Variants in NF1 observed in about 807,000 individuals in gnomAD.
The protein encoded by NF1 is neurofibromin.
In NF1, 122 loss-of-function variants were observed where a neutral mutation model predicts 325.7. That is an observed-to-expected ratio of 0.37 (90% CI 0.32 to 0.44). The LOEUF is 0.44. Among genes scored for constraint, NF1 ranks in the 20% least tolerant of loss-of-function variants. NF1 has a pLI of 1.00. For missense variants in NF1, 2,140 were observed against 3,415.4 expected (o/e 0.63, Z 9.31); for synonymous variants, 1,091 against 1,186.0 (o/e 0.92, Z 1.65).
chr17:31,131,211 G>A (rs961237357), intron 1 of NF1, among the ~76,000 whole-genome samples: 1 of 152,204 alleles, frequency 6.6e-6, no homozygotes, highest in Non-Finnish European at 1.5e-5. Context: ...AAACCTCTGA[G>A]CTCTGCCCTG....
intron 52 of NF1, 60 bp from the exon 53 acceptor site, chr17:31,356,900 A>ATAGT (rs1414219919): frequency 3.7e-6 from 6 of 1,605,342 alleles, no homozygotes; most frequent in Non-Finnish European, 5.1e-6. Flanking sequence ...TAACATTGAA[A>ATAGT]TAGTTAGGTG....
intron 36 of NF1, chr17:31,318,810 T>TTTATAATA (rs1246922081): frequency 6.2e-7 from 1 of 1,614,002 alleles, no homozygotes; most frequent in East Asian, 2.2e-5. Context: ...CTTTATAATC[T>TTTATAATA]ACTTCAGGAG....
At chr17:31,322,781 A>G (rs148789364) in intron 36 of NF1, among the ~76,000 whole-genome samples, 1 of 152,294 alleles carries the variant, frequency 6.6e-6, no homozygotes, top group African/African-American at 2.4e-5. Context: ...CTTAGTATAC[A>G]ACACATCATT....
intron 1 of NF1, among the ~76,000 whole-genome samples, chr17:31,106,252 ATACT>A (rs760362497): frequency 2.0e-5 from 3 of 152,212 alleles, no homozygotes; most frequent in Non-Finnish European, 2.9e-5. Flanking sequence ...AATGGGCATG[ATACT>A]TACCCTTCTC....
intron 37 of NF1, among the ~76,000 whole-genome samples, chr17:31,326,942 T>C (rs2069359201): frequency 6.6e-6 from 1 of 152,144 alleles, no homozygotes; most frequent in South Asian, 2.1e-4. Context: ...TGTTTTGTTT[T>C]TTGATATGGA....
rs1208250208 is a variant in NF1, at chr17:31,304,778, T to C, written c.4836-21042T>C. On this transcript the variant is annotated intron_variant, in intron 36 of 57. Coordinates refer to ENST00000358273, the MANE Select transcript of NF1 (RefSeq NM_001042492.3). ...TCATCTGCTAAAAGTGTGCTTTTGC[T>C]TGGTTTCCAGGGTGTAAGTGAAATG... is the stretch of plus-strand genomic sequence containing the variant. The C allele has an allele frequency of 1.2e-6, 2 of 1,614,022 alleles. No individual in the cohort carries two copies. Among genetic ancestry groups the C allele is most frequent in the Non-Finnish European group, 1.7e-6 (2 of 1,180,018 alleles).
intron 1 of NF1, among the ~76,000 whole-genome samples, chr17:31,114,576 G>GC (rs1913737202): frequency 6.6e-6 from 1 of 151,208 alleles, no homozygotes; most frequent in Admixed American, 6.6e-5. Flanking sequence ...AAGACCATGG[G>GC]CCGGACATGG....
intron 51 of NF1, among the ~76,000 whole-genome samples, chr17:31,353,795 A>G (rs2070209933): frequency 6.6e-6 from 1 of 152,266 alleles, no homozygotes; most frequent in African/African-American, 2.4e-5. Flanking sequence ...AAACATATTT[A>G]AGTATCTTTA....
intron 5 of NF1, 78 bp downstream of exon 5, chr17:31,170,075 AT>A (rs1329746787): frequency 1.1e-6 from 1 of 922,620 alleles, no homozygotes; most frequent in Non-Finnish European, 1.7e-6. Context: ...AATTATATTA[AT>A]TGTGCTGAAC....
At chr17:31,215,345 A>G (rs2066802601) in intron 13 of NF1, among the ~76,000 whole-genome samples, 1 of 152,130 alleles carries the variant, frequency 6.6e-6, no homozygotes, top group Admixed American at 6.5e-5. Context: ...TGAGAACATC[A>G]CTCTGGTACA....
intron 13 of NF1, among the ~76,000 whole-genome samples, chr17:31,217,312 CTTCT>C (rs150447120): frequency 0.34 from 11,117 of 32,342 alleles, 1,306 homozygotes; most frequent in African/African-American, 0.47. Context: ...TTCATATATT[CTTCT>C]TTTTTTTTTT....
chr17:31,222,567 C>T (rs1462046703), intron 15 of NF1: 1 of 1,018,596 alleles, frequency 9.8e-7, no homozygotes, highest in East Asian at 6.5e-5. Context: ...GTGCTGTCCA[C>T]TAGTAATATA....
chr17:31,127,331 C>G (rs1358288896), intron 1 of NF1, among the ~76,000 whole-genome samples: 1 of 152,006 alleles, frequency 6.6e-6, no homozygotes. Context: ...TGCATTGAGT[C>G]TTTGGATCAA....
chr17:31,289,625 T>A (rs2068308393), intron 36 of NF1, among the ~76,000 whole-genome samples: 2 of 152,162 alleles, frequency 1.3e-5, no homozygotes, highest in Non-Finnish European at 2.9e-5. Flanking sequence ...TTTTCCACAT[T>A]TCACACTTTA....
intron 29 of NF1, among the ~76,000 whole-genome samples, chr17:31,239,258 G>A (rs1322519881): frequency 6.6e-6 from 1 of 152,146 alleles, no homozygotes; most frequent in Non-Finnish European, 1.5e-5. Context: ...AAAAGAGAAG[G>A]CTAGAGAAAA....
At chr17:31,246,036 TA>T (rs1232730161) in intron 29 of NF1, among the ~76,000 whole-genome samples, 1 of 152,206 alleles carries the variant, frequency 6.6e-6, no homozygotes, top group African/African-American at 2.4e-5. Context: ...AAGAGCAATG[TA>T]TCAGGAATCA....
At chr17:31,325,569 C>G (rs2069319760) in intron 36 of NF1, among the ~76,000 whole-genome samples, 1 of 152,192 alleles carries the variant, frequency 6.6e-6, no homozygotes, top group Non-Finnish European at 1.5e-5. Context: ...TTCTTCCTTT[C>G]TTGACTCATG....
intron 1 of NF1, among the ~76,000 whole-genome samples, chr17:31,102,869 A>G (rs1411564653): frequency 6.7e-6 from 1 of 149,652 alleles, no homozygotes; most frequent in African/African-American, 2.5e-5. Flanking sequence ...TTTTTGAGAT[A>G]GAGTCTCGCT....
intron 48 of NF1, among the ~76,000 whole-genome samples, chr17:31,348,339 G>C (rs1483943333): frequency 7.4e-6 from 1 of 135,872 alleles, no homozygotes; most frequent in East Asian, 2.1e-4. Context: ...TTTGGAGTTT[G>C]GGAGAGGTAC....
Sources: allele counts gnomAD v4.1 joint callset (sites outside exome capture counted in the v4.1 genomes callset), GRCh38; gene constraint gnomAD v4.1.1; transcripts MANE v1.5; gene names NCBI Gene and HGNC (gene_info 2026-07-23, HGNC 2026-07-21).